NETO2: variants seen among roughly 807,000 people sequenced by gnomAD.
NETO2 encodes the protein neuropilin and tolloid-like protein 2.
In NETO2, 28 loss-of-function variants were observed where a neutral mutation model predicts 62.5. The ratio of observed to expected loss-of-function variants is 0.45; its 90% CI spans 0.33 to 0.61. The LOEUF is 0.61. Ranked by LOEUF, NETO2 falls within the 20% of genes least tolerant of loss-of-function variation. The pLI, the probability that NETO2 is intolerant of heterozygous loss-of-function variation, is 0.02. For synonymous variants in NETO2, 214 were observed against 219.1 expected (o/e 0.98, Z 0.21); for missense variants, 548 against 643.2 (o/e 0.85, Z 1.60).
rs780447704 is a variant in NETO2 at position 47,122,910 on chromosome 16, GA to G, written c.483del (p.Pro162GlnfsTer6). ...ATACCTCCTAGGTAAGTAAAGTCTGGATCTGTAACAGAAAAAAGAAGAAAGT... is the reference window on the plus strand; with the variant it reads ...ATACCTCCTAGGTAAGTAAAGTCTGGTCTGTAACAGAAAAAAGAAGAAAGT... ...GFRAKYSFIPDPDFTYLGGIL... is the reference protein window; with the variant it reads ...GFRAKYSFIPXPDFTYLGGIL... On this transcript the variant is annotated frameshift_variant and splice_region_variant, in exon 5 of 9. Transcript: ENST00000562435. LOFTEE classifies it high-confidence loss of function. The G allele has an allele frequency of 3.7e-6, 6 of 1,613,230 alleles. No homozygotes were observed.
intron 7 of NETO2, among the ~76,000 whole-genome samples, chr16:47,096,761 G>C (rs955826284): frequency 2.0e-5 from 3 of 152,180 alleles, no homozygotes; most frequent in East Asian, 1.9e-4. Flanking sequence ...GGCCGAATAG[G>C]AACAGTTCCA....
rs1221340752 is a variant in NETO2 at position 47,082,235 on chromosome 16, G to A, written c.*986C>T. 6.6e-6 allele frequency: 1 copy of A among 152,574 alleles called. No homozygotes were observed. Among genetic ancestry groups the A allele is most frequent in the African/African-American group, 2.4e-5 (1 of 41,450 alleles). 9.5% of individuals were successfully genotyped at this position (152,574 alleles called of 1,614,324 possible). A position where few individuals can be genotyped will look rare whatever the true frequency, so the allele number is the denominator to read the frequency against. Reference sequence around the variant, plus strand: ...ATCTCAAGGCTCATCCAATTTCTAAGGAATTTTAACTGGCATCTAACCTTG... The same window carrying A: ...ATCTCAAGGCTCATCCAATTTCTAAAGAATTTTAACTGGCATCTAACCTTG... On this transcript the variant is annotated 3_prime_UTR_variant, in exon 9 of 9. Transcript: ENST00000562435.
At chr16:47,120,440 A>G (rs1342365217) in intron 6 of NETO2, among the ~76,000 whole-genome samples, 1 of 152,214 alleles carries the variant, frequency 6.6e-6, no homozygotes, top group African/African-American at 2.4e-5. Context: ...TGATATAGGT[A>G]TACAGTGCAT....
intron 6 of NETO2, among the ~76,000 whole-genome samples, chr16:47,115,058 G>T (rs990616604): frequency 2.6e-5 from 4 of 151,928 alleles, no homozygotes; most frequent in Non-Finnish European, 5.9e-5. Flanking sequence ...AATCATATTT[G>T]CAGAAATCTA....
At chr16:47,088,508 C>T (rs1963245352) in intron 7 of NETO2, among the ~76,000 whole-genome samples, 1 of 152,106 alleles carries the variant, frequency 6.6e-6, no homozygotes, top group Non-Finnish European at 1.5e-5. Context: ...ATTTGCTGCA[C>T]CAAGGAGGGA....
At chr16:47,123,215 TAAA>T (rs1422570956) in intron 4 of NETO2, among the ~76,000 whole-genome samples, 10 of 152,252 alleles carry the variant, frequency 6.6e-5, no homozygotes, top group Admixed American at 5.9e-4. Context: ...TATTTGGCCT[TAAA>T]AAGGAATGAA....
chr16:47,085,657 T>C (rs918814556), intron 8 of NETO2, among the ~76,000 whole-genome samples: 8 of 151,836 alleles, frequency 5.3e-5, no homozygotes, highest in Non-Finnish European at 1.0e-4. Flanking sequence ...GTGCTGGGAT[T>C]ACAGGCGTAA....
chr16:47,101,136 G>C (rs1438834592), intron 7 of NETO2, among the ~76,000 whole-genome samples: 1 of 152,056 alleles, frequency 6.6e-6, no homozygotes, highest in Non-Finnish European at 1.5e-5. Flanking sequence ...CGGATGCAAG[G>C]CTGGCTCAAC....
chr16:47,131,918 GC>G (rs1391814818), intron 2 of NETO2, 50 bp downstream of exon 2: 1 of 1,453,384 alleles, frequency 6.9e-7, no homozygotes, highest in Non-Finnish European at 9.7e-7. Context: ...TTTCAAATAA[GC>G]CAGTCCATTG....
chr16:47,103,583 C>CA (rs1223338934), intron 7 of NETO2, among the ~76,000 whole-genome samples: 4 of 151,904 alleles, frequency 2.6e-5, no homozygotes, highest in Admixed American at 1.3e-4. Context: ...AAAAGATACA[C>CA]AAAAAAACCT....
In NETO2 at chr16:47,082,954, A is replaced by G. The variant is rs1356455015; in HGVS notation, c.*267T>C. 11 of 357,064 alleles carry G rather than the reference A, an allele frequency of 3.1e-5. No homozygotes were observed. In the East Asian group the frequency reaches 4.4e-4, roughly 14 times the overall value. 22.1% of individuals were successfully genotyped at this position (357,064 alleles called of 1,614,324 possible). A position where few individuals can be genotyped will look rare whatever the true frequency, so the allele number is the denominator to read the frequency against. ...TGGCTCCATCCAACCACCTCTTCTA[A>G]TGCTCTTTAACTGGCAGTGCTTCCT... On this transcript the variant is annotated 3_prime_UTR_variant, in exon 9 of 9. Transcript: ENST00000562435.
At chr16:47,137,398 A>G (rs141906716) in intron 1 of NETO2, among the ~76,000 whole-genome samples, 2 of 152,330 alleles carry the variant, frequency 1.3e-5, no homozygotes, top group Non-Finnish European at 2.9e-5. Context: ...CAACAGGAGC[A>G]TGGCAGATTA....
At position 47,086,615 on chromosome 16, in the gene NETO2, A is replaced by AT. The variant is rs939158912; in HGVS notation, c.884-277dup. 9.9e-5 allele frequency among the ~76,000 whole-genome samples: 15 copies of AT among 151,862 alleles called. No individual in the cohort carries two copies. In the South Asian group the frequency reaches 1.9e-3, roughly 19 times the overall value. ...ATGGAACCAGTATACAGTCTGGTAG[A>AT]TTTTTTTTTCCAAAACTTTGAAAGA... On this transcript the variant is annotated intron_variant, in intron 7 of 8. Coordinates refer to ENST00000562435, the MANE Select transcript of NETO2 (RefSeq NM_018092.5).
intron 6 of NETO2, among the ~76,000 whole-genome samples, chr16:47,110,643 T>C (rs1963776883): frequency 1.3e-5 from 2 of 152,186 alleles, no homozygotes; most frequent in African/African-American, 4.8e-5. Context: ...ACTCTATCAT[T>C]AAAATAAAAT....
chr16:47,114,869 T>C (rs940269254), intron 6 of NETO2, among the ~76,000 whole-genome samples: 3 of 152,188 alleles, frequency 2.0e-5, no homozygotes, highest in Admixed American at 1.3e-4. Context: ...TCTATGTCCA[T>C]GATTTATTTT....
At chr16:47,089,546 AGAGAC>A (rs1555495883) in intron 7 of NETO2, among the ~76,000 whole-genome samples, 1 of 152,230 alleles carries the variant, frequency 6.6e-6, no homozygotes, top group Non-Finnish European at 1.5e-5. Context: ...TAATTTATCC[AGAGAC>A]TGCTAACCTG....
At chr16:47,117,891 A>T (rs1168382595) in intron 6 of NETO2, among the ~76,000 whole-genome samples, 2 of 152,128 alleles carry the variant, frequency 1.3e-5, no homozygotes, top group Non-Finnish European at 2.9e-5. Flanking sequence ...GTTTGAGAAC[A>T]GCCTAGGCAA....
At chr16:47,122,133 C>CA (rs1330834700) in intron 6 of NETO2, among the ~76,000 whole-genome samples, 1 of 152,180 alleles carries the variant, frequency 6.6e-6, no homozygotes, top group Admixed American at 6.5e-5. Context: ...TATCCAATCT[C>CA]AATCTGTCAG....
intron 6 of NETO2, among the ~76,000 whole-genome samples, chr16:47,115,732 CAT>C (rs1491197753): frequency 1.5e-5 from 2 of 134,480 alleles, no homozygotes; most frequent in East Asian, 2.0e-4. Context: ...TATATATATA[CAT>C]GTATATATAT....
Sources: gnomAD v4.1 joint callset for allele counts (sites outside exome capture counted in the v4.1 genomes callset) on GRCh38, gnomAD v4.1.1 for gene constraint, MANE v1.5 for transcripts, NCBI Gene and HGNC (gene_info 2026-07-23, HGNC 2026-07-21) for gene names.